The following RP1 variants were observed in gnomAD, a reference collection of about 807,000 sequenced individuals.
RP1 encodes RP1 axonemal microtubule associated.
In RP1, 16 loss-of-function variants were observed where a neutral mutation model predicts 14.8. That is an observed-to-expected ratio of 1.08 (90% CI 0.73 to 1.65). RP1 has a LOEUF of 1.65. Ranked by LOEUF, RP1 falls within the 40% of genes most tolerant of loss-of-function variation. The pLI, the probability that RP1 is intolerant of heterozygous loss-of-function variation, is 0.00. For missense variants in RP1, 2,631 were observed against 2,535.0 expected, an observed-to-expected ratio of 1.04 and a Z score of -0.81; for synonymous variants, 876 against 883.6, an observed-to-expected ratio of 0.99 and a Z score of 0.15.
chr8:54,574,346 A>G (rs1312801883), intron 1 of RP1, among the ~76,000 whole-genome samples: 2 of 152,138 alleles, frequency 1.3e-5, no homozygotes, highest in African/African-American at 4.8e-5. Context: ...AGCCCATTCC[A>G]CGCATGGCTA....
chr8:54,591,052 G>A (rs768440571), intron 1 of RP1, among the ~76,000 whole-genome samples: 3 of 152,034 alleles, frequency 2.0e-5, no homozygotes, highest in Non-Finnish European at 2.9e-5. Context: ...TCCACTTATC[G>A]TTATTTTCCT....
At chr8:54,843,108 G>A (rs1437428515) in intron 25 of RP1, among the ~76,000 whole-genome samples, 1 of 152,124 alleles carries the variant, frequency 6.6e-6, no homozygotes. Flanking sequence ...GTGCTGTGGT[G>A]CAATTTCAGC....
At chr8:54,693,926 G>C (rs1428677265) in intron 12 of RP1, among the ~76,000 whole-genome samples, 1 of 152,054 alleles carries the variant, frequency 6.6e-6, no homozygotes, top group Non-Finnish European at 1.5e-5. Context: ...TCCAGTTTTT[G>C]CCCATTCAGT....
chr8:54,800,786 A>C (rs1020645284), intron 24 of RP1, among the ~76,000 whole-genome samples: 1 of 152,222 alleles, frequency 6.6e-6, no homozygotes. Flanking sequence ...GTTTAAACAC[A>C]TTTAATCATA....
chr8:54,653,217 T>C (rs1172504309), intron 5 of RP1, among the ~76,000 whole-genome samples: 2 of 152,292 alleles, frequency 1.3e-5, no homozygotes, highest in African/African-American at 4.8e-5. Flanking sequence ...GTTGATGAAA[T>C]AATAGTCTAC....
intron 24 of RP1, among the ~76,000 whole-genome samples, chr8:54,795,667 C>A (rs563110101): frequency 1.7e-4 from 26 of 152,206 alleles, no homozygotes; most frequent in African/African-American, 6.3e-4. Context: ...AAAAAAATAT[C>A]ATTCTCTAAT....
At chr8:54,769,690 T>C in intron 22 of RP1, 1 of 1,193,818 alleles carries the variant, frequency 8.4e-7, no homozygotes, top group Non-Finnish European at 1.2e-6. Flanking sequence ...AAATTAATTT[T>C]CTCTCTATTT....
chr8:54,616,451 T>C (rs3857921), intron 1 of RP1, among the ~76,000 whole-genome samples: 3,394 of 152,286 alleles, frequency 0.022, 153 homozygotes, highest in East Asian at 0.18. Context: ...AAATGAGTAA[T>C]GTTTACTTTG....
At chr8:54,758,628 G>A (rs1244133611) in intron 21 of RP1, among the ~76,000 whole-genome samples, 2 of 152,270 alleles carry the variant, frequency 1.3e-5, no homozygotes, top group South Asian at 2.1e-4. Context: ...GGGGTCTAAC[G>A]AGAGAAAAGT....
rs536871164 is a variant in RP1 at position 54,725,006 on chromosome 8, G to C, written c.2390-1339G>C. ...CTCCTCTGTGCTCCCTATGCACGTT[G>C]TGCTTGTGTCAGTTAAAGCGCTCAT... On this transcript the variant is annotated intron_variant, in intron 16 of 22. Coordinates refer to the RP1 transcript ENST00000636932. Among the ~76,000 whole-genome samples the C allele has an allele frequency of 7.3e-4, 111 of 152,280 alleles. 1 individual carries two copies. In the South Asian group the frequency reaches 0.02, roughly 28 times the overall value.
chr8:54,820,976 G>C (rs757408420), intron 24 of RP1, among the ~76,000 whole-genome samples: 4 of 152,178 alleles, frequency 2.6e-5, no homozygotes, highest in Non-Finnish European at 5.9e-5. Context: ...GAGGGATGAA[G>C]CTGGAGATGG....
At chr8:54,848,719 A>G (rs1178420757) in intron 25 of RP1, among the ~76,000 whole-genome samples, 1 of 152,174 alleles carries the variant, frequency 6.6e-6, no homozygotes, top group Non-Finnish European at 1.5e-5. Flanking sequence ...GATGAAGAAC[A>G]GTTCTTTCCC....
At chr8:54,821,897 G>T (rs9969539) in intron 24 of RP1, among the ~76,000 whole-genome samples, 4,294 of 152,220 alleles carry the variant, frequency 0.028, 200 homozygotes, top group African/African-American at 0.097. Flanking sequence ...GATTGGTCTA[G>T]AATATCCTTT....
chr8:54,700,103 G>A (rs980311807), intron 13 of RP1, among the ~76,000 whole-genome samples: 2 of 152,098 alleles, frequency 1.3e-5, no homozygotes, highest in Non-Finnish European at 2.9e-5. Context: ...ATAGGATTAA[G>A]TGAGTTGCAC....
intron 18 of RP1, among the ~76,000 whole-genome samples, chr8:54,735,747 A>G (rs1808903320): frequency 6.6e-6 from 1 of 152,226 alleles, no homozygotes; most frequent in Non-Finnish European, 1.5e-5. Flanking sequence ...ATATTTCAAA[A>G]GATTATTTGA....
chr8:54,678,855 A>G (rs1053592837), intron 9 of RP1, among the ~76,000 whole-genome samples: 1 of 152,190 alleles, frequency 6.6e-6, no homozygotes, highest in African/African-American at 2.4e-5. Context: ...TAGGTCCCAA[A>G]TTAGGTTAAA....
chr8:54,764,881 G>GC, intron 22 of RP1, among the ~76,000 whole-genome samples: 5 of 150,058 alleles, frequency 3.3e-5, no homozygotes, highest in Non-Finnish European at 7.4e-5. Flanking sequence ...AAGCCAAAGA[G>GC]TAATTCTTAG....
At chr8:54,766,569 A>G (rs1809766670) in intron 22 of RP1, among the ~76,000 whole-genome samples, 1 of 152,158 alleles carries the variant, frequency 6.6e-6, no homozygotes, top group South Asian at 2.1e-4. Context: ...GAGACATAGA[A>G]TCTTCAAATA....
rs1585753267 is a variant in RP1 at position 54,858,567 on chromosome 8, T to C, written c.4069+1461T>C. ...AGAGTGATGTTGCTGTAGAGCTGTG[T>C]CACTGTAGAGCAGTGTCTGTAGGCT... is the stretch of plus-strand genomic sequence containing the variant. On this transcript the variant is annotated intron_variant, in intron 27 of 28. Transcript: ENST00000637698. 2.6e-5 allele frequency among the ~76,000 whole-genome samples: 4 copies of C among 152,194 alleles called. No homozygotes were observed. In the South Asian group the frequency reaches 6.2e-4, roughly 24 times the overall value.
Sources: gnomAD v4.1 joint callset for allele counts (sites outside exome capture counted in the v4.1 genomes callset) on GRCh38, gnomAD v4.1.1 for gene constraint, MANE v1.5 for transcripts, NCBI Gene and HGNC (gene_info 2026-07-23, HGNC 2026-07-21) for gene names.